Variants in LUZP2 observed in about 807,000 individuals in gnomAD.
LUZP2 encodes the protein leucine zipper protein 2.
LUZP2 carries 52 observed loss-of-function variants against 51.6 expected under a neutral mutation model. That is an observed-to-expected ratio of 1.01 (90% CI 0.81 to 1.27). The LOEUF is 1.27. Ranked by LOEUF, LUZP2 falls within the 50% of genes most tolerant of loss-of-function variation. The pLI is 0.00. For synonymous variants in LUZP2, 154 were observed against 137.3 expected (o/e 1.12, Z -0.85); for missense variants, 436 against 395.4 (o/e 1.10, Z -0.87).
Position 24,836,107 on chromosome 11 carries a change from A to G in LUZP2, c.397-69884A>G, listed in dbSNP as rs146338423. On this transcript the variant is annotated intron_variant, in intron 5 of 11. Coordinates refer to ENST00000336930, the MANE Select transcript of LUZP2 (RefSeq NM_001009909.4). Reference sequence around the variant, plus strand: ...CTGTTTCACTTTCAAAGTTTGGGCTATAATGATCATGTATAAATCTCTTGA... The same window carrying G: ...CTGTTTCACTTTCAAAGTTTGGGCTGTAATGATCATGTATAAATCTCTTGA... 5.1e-3 allele frequency among the ~76,000 whole-genome samples: 777 copies of G among 152,122 alleles called. 9 individuals are homozygous for G. The highest frequency in any genetic ancestry group is 0.018 in the African/African-American group (745 of 41,552).
chr11:24,543,822 A>AC (rs1851454842), intron 1 of LUZP2, among the ~76,000 whole-genome samples: 2 of 116,822 alleles, frequency 1.7e-5, no homozygotes, highest in African/African-American at 6.0e-5. Flanking sequence ...ACTCTGTCTC[A>AC]CAAAAAAAAA....
chr11:24,635,798 A>G (rs1193598417), intron 1 of LUZP2, among the ~76,000 whole-genome samples: 1 of 152,140 alleles, frequency 6.6e-6, no homozygotes, highest in Admixed American at 6.6e-5. Flanking sequence ...AGCGTTGACT[A>G]AAAGTGGATC....
At chr11:24,599,006 T>A (rs1156565929) in intron 1 of LUZP2, among the ~76,000 whole-genome samples, 2 of 152,134 alleles carry the variant, frequency 1.3e-5, no homozygotes, top group African/African-American at 4.8e-5. Flanking sequence ...TGTGGGAACC[T>A]TTTTCTAAGT....
intron 1 of LUZP2, among the ~76,000 whole-genome samples, chr11:24,592,761 A>G (rs1270797108): frequency 1.3e-5 from 2 of 152,196 alleles, no homozygotes; most frequent in Non-Finnish European, 2.9e-5. Flanking sequence ...TTTATTGGCA[A>G]TGAAGGTATT....
At chr11:24,959,587 T>C (rs1422927399) in intron 7 of LUZP2, among the ~76,000 whole-genome samples, 1 of 152,204 alleles carries the variant, frequency 6.6e-6, no homozygotes, top group African/African-American at 2.4e-5. Flanking sequence ...CTTGTGATTT[T>C]TGTACATTGA....
At position 25,078,753 on chromosome 11, in the gene LUZP2, C is replaced by A; in HGVS notation, c.*95C>A. 1 of 921,222 alleles carries A rather than the reference C, an allele frequency of 1.1e-6. No individual in the cohort carries two copies. Among genetic ancestry groups the A allele is most frequent in the East Asian group, 2.6e-5 (1 of 38,362 alleles). 57.1% of individuals were successfully genotyped at this position (921,222 alleles called of 1,614,324 possible). A position where few individuals can be genotyped will look rare whatever the true frequency, so the allele number is the denominator to read the frequency against. On this transcript the variant is annotated 3_prime_UTR_variant, in exon 12 of 12. Transcript: ENST00000336930. ...ATGGAAATACTGTTTCTAAAGCATG[C>A]AACTTTTTCACAATTTTATGTAACT...
intron 5 of LUZP2, among the ~76,000 whole-genome samples, chr11:24,856,217 G>A (rs10767254): frequency 0.15 from 23,010 of 151,900 alleles, 1,892 homozygotes; most frequent in African/African-American, 0.2. Flanking sequence ...AATGACTAAT[G>A]TCTAGAATTT....
chr11:24,510,168 G>A (rs556238442), intron 1 of LUZP2, among the ~76,000 whole-genome samples: 2 of 152,078 alleles, frequency 1.3e-5, no homozygotes, highest in Non-Finnish European at 2.9e-5. Context: ...TGAAAGTTGG[G>A]GTGCAAAGGA....
intron 1 of LUZP2, among the ~76,000 whole-genome samples, chr11:24,660,522 C>T (rs777826423): frequency 6.6e-6 from 1 of 152,074 alleles, no homozygotes; most frequent in Non-Finnish European, 1.5e-5. Flanking sequence ...TAATTTTTCT[C>T]CAACTGAATT....
At chr11:24,822,094 T>C (rs1366293428) in intron 5 of LUZP2, among the ~76,000 whole-genome samples, 2 of 151,952 alleles carry the variant, frequency 1.3e-5, no homozygotes, top group African/African-American at 4.8e-5. Flanking sequence ...GAGAATTAAA[T>C]GTAAAAGCAT....
chr11:24,534,298 TAGAG>T (rs1276458648), intron 1 of LUZP2, among the ~76,000 whole-genome samples: 3 of 151,054 alleles, frequency 2.0e-5, no homozygotes, highest in African/African-American at 4.8e-5. Context: ...TATACATACA[TAGAG>T]AGCACATAAA....
In LUZP2 at chr11:25,035,128, C is replaced by T. The variant is rs535877064; in HGVS notation, c.766-14910C>T. ...CCATTGCCCCTGAAAACTGGAACAACGCAAGGATGCTCATTCTCACCACTG... is the reference window on the plus strand; with the variant it reads ...CCATTGCCCCTGAAAACTGGAACAATGCAAGGATGCTCATTCTCACCACTG... On this transcript the variant is annotated intron_variant, in intron 9 of 11. Coordinates refer to ENST00000336930, the MANE Select transcript of LUZP2 (RefSeq NM_001009909.4). 7.2e-5 allele frequency among the ~76,000 whole-genome samples: 11 copies of T among 152,106 alleles called. No individual in the cohort carries two copies. In the South Asian group the frequency reaches 1.5e-3, roughly 20 times the overall value.
At chr11:24,540,176 A>C (rs2133844563) in intron 1 of LUZP2, among the ~76,000 whole-genome samples, 1 of 152,258 alleles carries the variant, frequency 6.6e-6, no homozygotes, top group Non-Finnish European at 1.5e-5. Flanking sequence ...ATATCAAGGC[A>C]CAAAACTAAT....
At chr11:24,809,004 G>A (rs1481791996) in intron 5 of LUZP2, among the ~76,000 whole-genome samples, 1 of 152,052 alleles carries the variant, frequency 6.6e-6, no homozygotes, top group Non-Finnish European at 1.5e-5. Context: ...GATAGGTGAA[G>A]TCAGTTCATT....
intron 5 of LUZP2, among the ~76,000 whole-genome samples, chr11:24,785,389 T>C (rs1480267536): frequency 6.6e-6 from 1 of 152,004 alleles, no homozygotes; most frequent in Non-Finnish European, 1.5e-5. Context: ...GTTAAAAAGG[T>C]ATGCCATCTT....
chr11:24,530,722 T>C (rs1310747508), intron 1 of LUZP2, among the ~76,000 whole-genome samples: 1 of 147,588 alleles, frequency 6.8e-6, no homozygotes, highest in Non-Finnish European at 1.5e-5. Flanking sequence ...TATTGACATA[T>C]ATCTCAGCAG....
chr11:25,064,881 C>T (rs965026089), intron 10 of LUZP2, among the ~76,000 whole-genome samples: 13 of 151,912 alleles, frequency 8.6e-5, no homozygotes, highest in Non-Finnish European at 1.6e-4. Flanking sequence ...TTTGTGACTT[C>T]GCGAATTTCT....
intron 4 of LUZP2, 64 bp downstream of exon 4, chr11:24,738,366 A>G: frequency 8.9e-7 from 1 of 1,125,956 alleles, no homozygotes. Context: ...TTCTTTTTCC[A>G]AAATCACTAT....
At chr11:24,581,633 TG>T (rs1852858652) in intron 1 of LUZP2, among the ~76,000 whole-genome samples, 1 of 151,730 alleles carries the variant, frequency 6.6e-6, no homozygotes, top group African/African-American at 2.4e-5. Context: ...GACATGCCAC[TG>T]CACTCCAGCC....
Sources: gnomAD v4.1 joint callset for allele counts (sites outside exome capture counted in the v4.1 genomes callset) on GRCh38, gnomAD v4.1.1 for gene constraint, MANE v1.5 for transcripts, NCBI Gene and HGNC (gene_info 2026-07-23, HGNC 2026-07-21) for gene names.